IGF2R: variants seen among roughly 807,000 people sequenced by gnomAD.
The protein encoded by IGF2R is cation-independent mannose-6-phosphate receptor.
Under a neutral mutation model 270.6 loss-of-function variants are expected in IGF2R, and 91 were observed. The observed-to-expected ratio is 0.34, with a 90% CI of 0.28 to 0.40. The LOEUF is 0.40. Among genes scored for constraint, IGF2R ranks in the 10% least tolerant of loss-of-function variants. The pLI, the probability that IGF2R is intolerant of heterozygous loss-of-function variation, is 1.00. For missense variants in IGF2R, 2,805 were observed against 3,188.3 expected (o/e 0.88, Z 2.90); for synonymous variants, 1,316 against 1,258.9 (o/e 1.05, Z -0.96).
chr6:160,025,271 C>T (rs924884992), intron 5 of IGF2R, among the ~76,000 whole-genome samples: 8 of 152,210 alleles, frequency 5.3e-5, no homozygotes, highest in African/African-American at 1.9e-4. Flanking sequence ...TAGCCTTCAG[C>T]TGGTTTTACT....
intron 44 of IGF2R, among the ~76,000 whole-genome samples, chr6:160,092,803 G>A (rs899869236): frequency 1.0e-4 from 15 of 150,266 alleles, no homozygotes; most frequent in Admixed American, 5.3e-4. Context: ...GGACATGTCC[G>A]TCTCCTACCC....
intron 2 of IGF2R, among the ~76,000 whole-genome samples, chr6:159,992,995 C>T (rs1784001356): frequency 6.6e-6 from 1 of 152,146 alleles, no homozygotes; most frequent in Non-Finnish European, 1.5e-5. Context: ...ATTTGCCTTT[C>T]TCTGATGATT....
At chr6:160,056,112 A>G (rs567364279) in intron 19 of IGF2R, among the ~76,000 whole-genome samples, 7 of 152,198 alleles carry the variant, frequency 4.6e-5, no homozygotes, top group Admixed American at 2.0e-4. Context: ...TCTTGCATTC[A>G]ACTTTTTGTG....
At chr6:159,979,362 G>C (rs1028123942) in intron 1 of IGF2R, among the ~76,000 whole-genome samples, 1 of 152,152 alleles carries the variant, frequency 6.6e-6, no homozygotes, top group Non-Finnish European at 1.5e-5. Flanking sequence ...TCCTAGAAGT[G>C]GCAAGCCTGA....
At chr6:160,032,265 G>A (rs2115232637) in intron 7 of IGF2R, among the ~76,000 whole-genome samples, 1 of 152,256 alleles carries the variant, frequency 6.6e-6, no homozygotes, top group African/African-American at 2.4e-5. Context: ...GTGTCTCTCT[G>A]AAGGTGACTA....
Position 160,047,767 on chromosome 6 carries a change from C to G in IGF2R, c.2230-25C>G, listed in dbSNP as rs1778101013. 2.2e-6 allele frequency: 3 copies of G among 1,385,402 alleles called. No homozygotes were observed. The South Asian group carries it at 3.5e-5, about 16-fold the overall frequency. 85.8% of individuals were successfully genotyped at this position (1,385,402 alleles called of 1,614,324 possible). On this transcript the variant is annotated intron_variant, in intron 16 of 47. Transcript: ENST00000356956. Reference sequence around the variant, plus strand: ...CACGTGTCTTTCTCTTTTTGCCATCCCTCCGCGCATCTGCCGTGGATTAGG... The same window carrying G: ...CACGTGTCTTTCTCTTTTTGCCATCGCTCCGCGCATCTGCCGTGGATTAGG...
Position 160,032,923 on chromosome 6 carries a change from T to G in IGF2R, c.1046-19T>G. 6.4e-7 allele frequency: 1 copy of G among 1,570,566 alleles called. No homozygotes were observed. The highest frequency in any genetic ancestry group is 8.7e-7 in the Non-Finnish European group (1 of 1,144,418). ...TTCATATAAAACAAGCCTCTTCTTG[T>G]TAATTTCCCTGTTTTTAGGTTCATC... On this transcript the variant is annotated intron_variant, in intron 8 of 47. Coordinates refer to ENST00000356956, the MANE Select transcript of IGF2R (RefSeq NM_000876.4).
At chr6:160,079,030 CG>C (rs1228305567) in intron 37 of IGF2R, among the ~76,000 whole-genome samples, 15 of 152,280 alleles carry the variant, frequency 9.9e-5, no homozygotes, top group Non-Finnish European at 1.6e-4. Flanking sequence ...TGCTGTGGCA[CG>C]GCGGCTGGTG....
chr6:160,047,906 A>C lies in IGF2R; in HGVS notation c.2344A>C (p.Ser782Arg). 6.3e-7 allele frequency: 1 copy of C among 1,595,278 alleles called. No individual in the cohort carries two copies. The highest frequency in any genetic ancestry group is 8.6e-7 in the Non-Finnish European group (1 of 1,162,836). The change falls in exon 17 of 48, where the codon AGT becomes CGT. Residue 782 changes from serine to arginine, a missense_variant and splice_region_variant. Physicochemically the swap from Ser to Arg is moderately radical, Grantham distance 110. Around this residue, in one of 2 missense-constraint regions of IGF2R, gnomAD observed 954 missense variants for 981.1 expected, o/e 0.97. Transcript: ENST00000356956. ...PSTLEQYDLS[S>R]LAKSEGGLGG... The stretch of plus-strand genomic sequence containing the variant: ...CACGCTGGAGCAGTACGACCTCTCC[A>C]GGTGAGGCAGAGTCAGCTGCTCTGT...
rs769401677 is a variant in IGF2R at position 160,080,083 on chromosome 6, T to G, written c.5687-46T>G. ...TGCTGCATTCTGAGGTGATTGTGCC[T>G]GGCGAGGCACAGCTGCCACACTGAT... On this transcript the variant is annotated intron_variant, in intron 38 of 47. Coordinates refer to ENST00000356956, the MANE Select transcript of IGF2R (RefSeq NM_000876.4). The G allele has an allele frequency of 1.9e-6, 3 of 1,603,490 alleles. No homozygotes were observed. The African/African-American group carries it at 4.0e-5, about 21-fold the overall frequency.
chr6:160,023,490 C>T (rs904015709), intron 4 of IGF2R, among the ~76,000 whole-genome samples: 6 of 152,136 alleles, frequency 3.9e-5, no homozygotes, highest in African/African-American at 1.4e-4. Context: ...CAATAAATAA[C>T]ACTTATGCCA....
chr6:160,107,855 G>C lies in IGF2R; in HGVS notation c.*2771G>C, dbSNP rs556529125. ...AACATATAGACATTAGAACTTACAG[G>C]ACAAAGAACTCTTTTTCCCTGAATC... On this transcript the variant is annotated 3_prime_UTR_variant, in exon 48 of 48. Coordinates refer to ENST00000356956, the MANE Select transcript of IGF2R (RefSeq NM_000876.4). 6.6e-6 allele frequency: 1 copy of C among 152,198 alleles called. No individual in the cohort carries two copies. Among genetic ancestry groups the C allele is most frequent in the Non-Finnish European group, 1.5e-5 (1 of 68,040 alleles). 9.4% of individuals were successfully genotyped at this position (152,198 alleles called of 1,614,324 possible).
Position 160,050,008 on chromosome 6 carries a change from G to C in IGF2R, c.2515-465G>C, listed in dbSNP as rs1253861266. ...GTGTGGGGATTGTTTATTGGTAGAA[G>C]AGTGCAGGGTGAAGTCATCGGATGG... On this transcript the variant is annotated intron_variant, in intron 18 of 47. Transcript: ENST00000356956. This position sits in a 1 kb window ranked among gnomAD's most constrained non-coding sequence, Gnocchi z 4.0. 6.6e-6 allele frequency among the ~76,000 whole-genome samples: 1 copy of C among 152,220 alleles called. No individual in the cohort carries two copies. The highest frequency in any genetic ancestry group is 1.5e-5 in the Non-Finnish European group (1 of 68,040).
At chr6:160,055,506 C>T (rs968056739) in intron 19 of IGF2R, among the ~76,000 whole-genome samples, 1 of 152,140 alleles carries the variant, frequency 6.6e-6, no homozygotes, top group Non-Finnish European at 1.5e-5. Flanking sequence ...AAAGCTCAGT[C>T]CCTTTCACAA....
At chr6:160,013,288 C>A (rs575321283) in intron 4 of IGF2R, among the ~76,000 whole-genome samples, 1 of 151,692 alleles carries the variant, frequency 6.6e-6, no homozygotes, top group Non-Finnish European at 1.5e-5. Flanking sequence ...TGTTTTTGTA[C>A]AACCCCAGGA....
At chr6:160,033,918 T>G (rs558158661) in intron 9 of IGF2R, among the ~76,000 whole-genome samples, 27 of 152,192 alleles carry the variant, frequency 1.8e-4, no homozygotes, top group Admixed American at 1.7e-3. Context: ...CAGTTACGAT[T>G]CAAAAATTAG....
intron 4 of IGF2R, among the ~76,000 whole-genome samples, chr6:160,011,589 C>T: frequency 7.7e-6 from 1 of 129,804 alleles, no homozygotes; most frequent in African/African-American, 2.8e-5. Context: ...TTAAAATCTA[C>T]TCTCTTAGTG....
At chr6:160,081,814 A>G (rs1052069187) in intron 39 of IGF2R, among the ~76,000 whole-genome samples, 7 of 152,324 alleles carry the variant, frequency 4.6e-5, no homozygotes, top group African/African-American at 1.7e-4. Flanking sequence ...CTCTGTCCTC[A>G]CCGGCCCACA....
intron 39 of IGF2R, among the ~76,000 whole-genome samples, chr6:160,081,634 T>C (rs1241844608): frequency 1.3e-5 from 2 of 152,312 alleles, no homozygotes; most frequent in South Asian, 2.1e-4. Flanking sequence ...TCATCCCTTA[T>C]CTGCAACTGC....
Sources: gnomAD v4.1 joint callset for allele counts (sites outside exome capture counted in the v4.1 genomes callset) on GRCh38, gnomAD v4.1.1 for gene constraint, gnomAD v4.1.1 regional missense constraint, Gnocchi (gnomAD v3.1) non-coding constraint, MANE v1.5 for transcripts, NCBI Gene and HGNC (gene_info 2026-07-23, HGNC 2026-07-21) for gene names.